Variants in USP32 observed in about 807,000 individuals in gnomAD.
The protein encoded by USP32 is ubiquitin carboxyl-terminal hydrolase 32.
In USP32, 59 loss-of-function variants were observed where a neutral mutation model predicts 204.8. The observed-to-expected ratio is 0.29, with a 90% CI of 0.23 to 0.36. The LOEUF is 0.36. Among genes scored for constraint, USP32 ranks in the 10% least tolerant of loss-of-function variants. The probability of loss-of-function intolerance (pLI) is 1.00; values close to 1 mark genes in which losing one functional copy is unlikely to be tolerated. For synonymous variants in USP32, 517 were observed against 678.4 expected (o/e 0.76, Z 3.70); for missense variants, 1,160 against 1,946.4 (o/e 0.60, Z 7.60).
chr17:60,327,531 C>A lies in USP32; in HGVS notation c.186+17950G>T, dbSNP rs557520354. Among the ~76,000 whole-genome samples the A allele has an allele frequency of 1.3e-3, 195 of 151,444 alleles. 1 individual carries two copies. Among genetic ancestry groups the A allele is most frequent in the African/African-American group, 4.4e-3 (183 of 41,260 alleles). On this transcript the variant is annotated intron_variant, in intron 2 of 33. Transcript: ENST00000300896. ...ACCTCAGGAGCCAGGCTGAGCCCGCCCGCCAGCAGAAGAGCAGCACGGTTG... is the reference window on the plus strand; with the variant it reads ...ACCTCAGGAGCCAGGCTGAGCCCGCACGCCAGCAGAAGAGCAGCACGGTTG...
intron 17 of USP32, among the ~76,000 whole-genome samples, chr17:60,214,263 A>C (rs189943775): frequency 6.6e-5 from 10 of 152,354 alleles, no homozygotes; most frequent in Admixed American, 6.5e-4. Context: ...TTATAATGTA[A>C]CATATAATCT....
chr17:60,392,096 C>T lies in USP32; in HGVS notation c.-157G>A, dbSNP rs2089850042. ...AAGTGCGGCTTCTGCCCCGGCGGCT[C>T]CTCCCGGTCGCCGCCACCGCCTCCA... is the stretch of plus-strand genomic sequence containing the variant. On this transcript the variant is annotated 5_prime_UTR_variant, in exon 1 of 34. Transcript: ENST00000300896. 1 of 777,210 alleles carries T rather than the reference C, an allele frequency of 1.3e-6. No individual in the cohort carries two copies. Among genetic ancestry groups the T allele is most frequent in the African/African-American group, 1.8e-5 (1 of 54,740 alleles). 48.1% of individuals were successfully genotyped at this position (777,210 alleles called of 1,614,324 possible). A position where few individuals can be genotyped will look rare whatever the true frequency, so the allele number is the denominator to read the frequency against.
At chr17:60,192,998 T>C (rs2084425303) in intron 27 of USP32, 68 bp from the exon 28 acceptor site, 5 of 1,544,216 alleles carry the variant, frequency 3.2e-6, no homozygotes, top group Non-Finnish European at 4.5e-6. Context: ...CCTCTTCATC[T>C]TCTCTTGAAG....
At chr17:60,404,497 A>G (rs2089960470) in intron 1 of USP32, among the ~76,000 whole-genome samples, 4 of 152,186 alleles carry the variant, frequency 2.6e-5, no homozygotes, top group African/African-American at 7.2e-5. Context: ...GATTTCTACA[A>G]GAAGACAATC....
intron 5 of USP32, among the ~76,000 whole-genome samples, chr17:60,272,239 T>C (rs1276071182): frequency 2.6e-5 from 4 of 152,216 alleles, no homozygotes; most frequent in Admixed American, 6.5e-5. Flanking sequence ...ATACAATTAA[T>C]GACTTACACA....
intron 30 of USP32, among the ~76,000 whole-genome samples, chr17:60,183,980 A>AT (rs997116018): frequency 4.6e-5 from 7 of 152,052 alleles, no homozygotes; most frequent in East Asian, 3.9e-4. Context: ...TTATACCTCA[A>AT]TTTTTTTTAA....
chr17:60,400,418 A>G (rs2089927119), intron 1 of USP32, among the ~76,000 whole-genome samples: 1 of 152,208 alleles, frequency 6.6e-6, no homozygotes, highest in African/African-American at 2.4e-5. Flanking sequence ...GTTAGATCCC[A>G]GATATTATTT....
upstream of USP32, among the ~76,000 whole-genome samples, chr17:60,396,037 T>C (rs1466763020): frequency 4.6e-5 from 7 of 151,878 alleles, no homozygotes; most frequent in Non-Finnish European, 7.4e-5. Context: ...GTCACGTGTA[T>C]TGTATTTTTA....
Position 60,207,092 on chromosome 17 carries a change from C to G in USP32, c.2966G>C (p.Ser989Thr). 1 of 1,613,160 alleles carries G rather than the reference C, an allele frequency of 6.2e-7. No individual in the cohort carries two copies. Among genetic ancestry groups the G allele is most frequent in the East Asian group, 2.2e-5 (1 of 44,826 alleles). The change falls in exon 25 of 34, where the codon AGT becomes ACT. Residue 989 changes from serine to threonine, a missense_variant. This residue lies in a region of USP32 where 47 missense variants were observed against 71.1 expected (regional missense o/e 0.66). Transcript: ENST00000300896. Reference protein sequence around the residue: ...QDNQKVRLSVSGFLCAFEIPV... With the variant: ...QDNQKVRLSVTGFLCAFEIPV... ...AATTTCAAATGCACACAAAAATCCA[C>G]TCACTGAGAGTCGTACTTTTTGGTT...
intron 12 of USP32, among the ~76,000 whole-genome samples, chr17:60,228,065 G>A (rs2085443937): frequency 1.3e-5 from 2 of 150,500 alleles, no homozygotes; most frequent in Admixed American, 6.6e-5. Flanking sequence ...AAGCTCTGTC[G>A]CCCAGGCTGG....
intron 12 of USP32, among the ~76,000 whole-genome samples, chr17:60,227,145 C>CT (rs1269837043): frequency 6.7e-6 from 1 of 149,614 alleles, no homozygotes; most frequent in Non-Finnish European, 1.5e-5. Flanking sequence ...CTCTATTTCT[C>CT]TTTTTAACAA....
At chr17:60,303,574 T>C (rs950782717) in intron 2 of USP32, among the ~76,000 whole-genome samples, 1 of 151,586 alleles carries the variant, frequency 6.6e-6, no homozygotes, top group Non-Finnish European at 1.5e-5. Context: ...GAAGTCTCTA[T>C]AGCACTTAGG....
In USP32 at chr17:60,392,093, G is replaced by GCTCCTCCCGGTCGCCGCCACCGC. The variant is rs1397719085; in HGVS notation, c.-177_-155dup. ...AACAAGTGCGGCTTCTGCCCCGGCG[G>GCTCCTCCCGGTCGCCGCCACCGC]CTCCTCCCGGTCGCCGCCACCGCCT... On this transcript the variant is annotated 5_prime_UTR_variant, in exon 1 of 34. It removes the in-frame stop codon of an upstream open reading frame in the 5' UTR. Coordinates refer to ENST00000300896, the MANE Select transcript of USP32 (RefSeq NM_032582.4). The GCTCCTCCCGGTCGCCGCCACCGC allele has an allele frequency of 6.3e-6, 5 of 788,654 alleles. No homozygotes were observed. The highest frequency in any genetic ancestry group is 6.5e-5 in the Admixed American group (2 of 30,888). 48.9% of individuals were successfully genotyped at this position (788,654 alleles called of 1,614,324 possible).
intron 15 of USP32, among the ~76,000 whole-genome samples, chr17:60,221,381 C>A (rs973368642): frequency 5.3e-5 from 8 of 152,078 alleles, no homozygotes; most frequent in Non-Finnish European, 8.8e-5. Flanking sequence ...ATCAAAATTA[C>A]ATTAGTCTGT....
At chr17:60,257,926 TG>T (rs1247922893) in intron 9 of USP32, 1 of 152,520 alleles carries the variant, frequency 6.6e-6, no homozygotes, top group Non-Finnish European at 1.5e-5. Flanking sequence ...GCCTCTATCC[TG>T]TAAGCCCAAG....
chr17:60,217,905 T>G (rs2085146264), intron 16 of USP32, among the ~76,000 whole-genome samples: 1 of 151,110 alleles, frequency 6.6e-6, no homozygotes, highest in Admixed American at 6.6e-5. Flanking sequence ...CCCAGCTAAT[T>G]TAAACAATTT....
At chr17:60,411,434 C>T (rs1464197379) in intron 1 of USP32, among the ~76,000 whole-genome samples, 3 of 148,182 alleles carry the variant, frequency 2.0e-5, no homozygotes, top group Non-Finnish European at 4.5e-5. Flanking sequence ...ATCACTTGAG[C>T]CCAGGAGTCA....
chr17:60,296,420 G>C (rs1338609877), intron 3 of USP32, among the ~76,000 whole-genome samples: 2 of 152,200 alleles, frequency 1.3e-5, no homozygotes, highest in East Asian at 3.9e-4. Flanking sequence ...AGAAAGGCAG[G>C]GATTAGAACG....
chr17:60,222,599 T>C (rs1309500260), intron 14 of USP32, 50 bp from the exon 15 acceptor site: 1 of 1,593,796 alleles, frequency 6.3e-7, no homozygotes, highest in African/African-American at 1.3e-5. Context: ...ACAAAAGTTT[T>C]TGGGTCTCAG....
Sources: gnomAD v4.1 joint callset for allele counts (sites outside exome capture counted in the v4.1 genomes callset) on GRCh38, gnomAD v4.1.1 for gene constraint, gnomAD v4.1.1 regional missense constraint, MANE v1.5 for transcripts, NCBI Gene and HGNC (gene_info 2026-07-23, HGNC 2026-07-21) for gene names.